Variants in FBXL17 observed in about 807,000 individuals in gnomAD.
The protein encoded by FBXL17 is F-box/LRR-repeat protein 17.
A neutral mutation model predicts 66.2 loss-of-function variants in FBXL17; 22 were observed. The observed-to-expected ratio is 0.33, with a 90% CI of 0.24 to 0.47. The LOEUF (loss-of-function observed/expected upper bound fraction) is 0.47. Ranked by LOEUF, FBXL17 falls within the 20% of genes least tolerant of loss-of-function variation. The pLI is 1.00. For missense variants in FBXL17, 878 were observed against 948.2 expected (o/e 0.93, Z 0.97); for synonymous variants, 474 against 400.5 (o/e 1.18, Z -2.19).
chr5:108,239,159 T>C (rs1755740862), intron 4 of FBXL17, among the ~76,000 whole-genome samples: 1 of 151,950 alleles, frequency 6.6e-6, no homozygotes, highest in Admixed American at 6.6e-5. Flanking sequence ...GATGGCTGAG[T>C]AGAACCTGCC....
rs1748120378 is a variant in FBXL17, at chr5:107,861,456, A to T, written c.*264T>A. 6.0e-5 allele frequency: 15 copies of T among 250,098 alleles called. No homozygotes were observed. Among genetic ancestry groups the T allele is most frequent in the East Asian group, 7.7e-5 (1 of 12,948 alleles). 15.5% of individuals were successfully genotyped at this position (250,098 alleles called of 1,614,324 possible). On this transcript the variant is annotated 3_prime_UTR_variant, in exon 9 of 9. Coordinates refer to ENST00000542267, the MANE Select transcript of FBXL17 (RefSeq NM_001163315.3). ...TCTATATTAAAAATAATTTTTTTTT[A>T]AAGAGAAAGAAGCCTTTGAAGTTAA...
At chr5:107,931,927 C>A (rs1233747846) in intron 7 of FBXL17, among the ~76,000 whole-genome samples, 1 of 152,126 alleles carries the variant, frequency 6.6e-6, no homozygotes, top group Non-Finnish European at 1.5e-5. Flanking sequence ...GCCTCAGAAT[C>A]ACTAGCTTAT....
At chr5:108,351,835 T>A (rs1370672748) in intron 3 of FBXL17, among the ~76,000 whole-genome samples, 2 of 152,196 alleles carry the variant, frequency 1.3e-5, no homozygotes, top group Non-Finnish European at 2.9e-5. Context: ...ACAGAAGGAA[T>A]AAGTGTGGTT....
At chr5:108,012,162 T>C (rs191208102) in intron 7 of FBXL17, among the ~76,000 whole-genome samples, 1 of 152,318 alleles carries the variant, frequency 6.6e-6, no homozygotes, top group East Asian at 1.9e-4. Flanking sequence ...AGCTTCCTCA[T>C]CTATTGAAAA....
intron 5 of FBXL17, among the ~76,000 whole-genome samples, chr5:108,218,729 T>A (rs1298449143): frequency 6.6e-6 from 1 of 152,198 alleles, no homozygotes; most frequent in Non-Finnish European, 1.5e-5. Flanking sequence ...TGTATGTCTC[T>A]TTTTGAAAAA....
At chr5:107,883,814 T>C (rs1004469941) in intron 7 of FBXL17, among the ~76,000 whole-genome samples, 24 of 152,110 alleles carry the variant, frequency 1.6e-4, no homozygotes, top group African/African-American at 5.6e-4. Context: ...AAGAGCCCCC[T>C]CACGCTTCAG....
chr5:108,258,239 C>A (rs1029797492), intron 4 of FBXL17, among the ~76,000 whole-genome samples: 1 of 152,108 alleles, frequency 6.6e-6, no homozygotes, highest in Non-Finnish European at 1.5e-5. Context: ...AGCAAGAAAG[C>A]AGTCATCTGA....
chr5:107,994,439 T>C (rs1188716181), intron 7 of FBXL17, among the ~76,000 whole-genome samples: 2 of 152,146 alleles, frequency 1.3e-5, no homozygotes, highest in African/African-American at 4.8e-5. Context: ...TCCCTCTTCT[T>C]TGAGGCCACA....
chr5:108,183,214 T>C (rs1314648681), intron 6 of FBXL17, among the ~76,000 whole-genome samples: 1 of 152,002 alleles, frequency 6.6e-6, no homozygotes. Flanking sequence ...CTAATTTTTG[T>C]ATTTTTAGTA....
intron 6 of FBXL17, among the ~76,000 whole-genome samples, chr5:108,082,382 T>C (rs1748804853): frequency 6.6e-6 from 1 of 152,156 alleles, no homozygotes; most frequent in South Asian, 2.1e-4. Context: ...CATAGCATTG[T>C]TATAAAAATT....
intron 4 of FBXL17, among the ~76,000 whole-genome samples, chr5:108,243,156 A>C (rs1212155375): frequency 6.6e-6 from 1 of 152,204 alleles, no homozygotes; most frequent in East Asian, 1.9e-4. Flanking sequence ...TATGTGTTAA[A>C]GTATTGTGAA....
At chr5:108,045,607 G>C (rs1019724664) in intron 6 of FBXL17, among the ~76,000 whole-genome samples, 6 of 151,852 alleles carry the variant, frequency 4.0e-5, no homozygotes, top group Non-Finnish European at 8.8e-5. Context: ...TTTCCTCTTA[G>C]CACTATTTTA....
chr5:107,973,354 ATTTTTTTTTTTTT>A (rs200079422), intron 7 of FBXL17, among the ~76,000 whole-genome samples: 1 of 120,438 alleles, frequency 8.3e-6, no homozygotes, highest in African/African-American at 3.2e-5. Context: ...TTTTTTTGTA[ATTTTTTTTTTTTT>A]TTTTTTTTTG....
At chr5:107,914,457 G>A (rs1580707868) in intron 7 of FBXL17, among the ~76,000 whole-genome samples, 1 of 152,172 alleles carries the variant, frequency 6.6e-6, no homozygotes, top group East Asian at 1.9e-4. Context: ...AGGAATATTT[G>A]CTGCTGCCCA....
At chr5:108,089,227 T>A (rs540455119) in intron 6 of FBXL17, among the ~76,000 whole-genome samples, 3 of 152,328 alleles carry the variant, frequency 2.0e-5, no homozygotes, top group Non-Finnish European at 2.9e-5. Flanking sequence ...GCGAGCCAGT[T>A]AGAATTTGTG....
chr5:108,064,308 T>C (rs971950574), intron 6 of FBXL17, among the ~76,000 whole-genome samples: 1 of 152,228 alleles, frequency 6.6e-6, no homozygotes, highest in Admixed American at 6.5e-5. Flanking sequence ...ATTTGTAATG[T>C]AGATAATGAG....
chr5:108,242,399 C>T (rs1480655530), intron 4 of FBXL17, among the ~76,000 whole-genome samples: 2 of 128,596 alleles, frequency 1.6e-5, no homozygotes, highest in Admixed American at 8.2e-5. Flanking sequence ...TTGTTGTTGT[C>T]ATTGTAGGGA....
chr5:107,914,918 T>C (rs1750077908), intron 7 of FBXL17, among the ~76,000 whole-genome samples: 1 of 152,210 alleles, frequency 6.6e-6, no homozygotes, highest in Non-Finnish European at 1.5e-5. Context: ...CTCCCTTCTT[T>C]GTTTAAATCA....
intron 6 of FBXL17, among the ~76,000 whole-genome samples, chr5:108,089,759 G>A (rs1461617192): frequency 6.6e-6 from 1 of 152,090 alleles, no homozygotes; most frequent in Non-Finnish European, 1.5e-5. Flanking sequence ...TACACAATAG[G>A]CACTCAAGAG....
Sources: allele counts gnomAD v4.1 joint callset (sites outside exome capture counted in the v4.1 genomes callset), GRCh38; gene constraint gnomAD v4.1.1; transcripts MANE v1.5; gene names NCBI Gene and HGNC (gene_info 2026-07-23, HGNC 2026-07-21).